RAPH1: variants seen among roughly 807,000 people sequenced by gnomAD.
RAPH1 encodes the protein ras-associated and pleckstrin homology domains-containing protein 1.
Under a neutral mutation model 88.1 loss-of-function variants are expected in RAPH1, and 18 were observed. The ratio of observed to expected loss-of-function variants is 0.20; its 90% CI spans 0.14 to 0.30. The LOEUF is 0.30. Among genes scored for constraint, RAPH1 ranks in the 10% least tolerant of loss-of-function variants. The pLI is 1.00. For synonymous variants in RAPH1, 587 were observed against 559.0 expected, an observed-to-expected ratio of 1.05 and a Z score of -0.71; for missense variants, 1,448 against 1,543.2, an observed-to-expected ratio of 0.94 and a Z score of 1.03.
At chr2:203,480,768 G>A (rs983198403) in intron 4 of RAPH1, among the ~76,000 whole-genome samples, 2 of 152,112 alleles carry the variant, frequency 1.3e-5, no homozygotes, top group African/African-American at 4.8e-5. Flanking sequence ...ACTGACACAC[G>A]TATGCATTTT....
At position 203,438,525 on chromosome 2, in the gene RAPH1, G is replaced by A. The variant is rs1429632071; in HGVS notation, c.*912C>T. On this transcript the variant is annotated 3_prime_UTR_variant, in exon 14 of 14. Transcript: ENST00000319170. ...AGACATACTGGGACAGAACATTACA[G>A]AGATAACTGTGTTATCCATCCTCTT... is the stretch of plus-strand genomic sequence containing the variant. 5.0e-6 allele frequency: 1 copy of A among 198,496 alleles called. No individual in the cohort carries two copies. Among genetic ancestry groups the A allele is most frequent in the Non-Finnish European group, 1.0e-5 (1 of 97,348 alleles). The allele number at this position is 198,496 out of a possible 1,614,324, so 12.3% of individuals were successfully genotyped here. A position where few individuals can be genotyped will look rare whatever the true frequency, so the allele number is the denominator to read the frequency against.
At chr2:203,522,353 C>T (rs1689915461) in intron 1 of RAPH1, among the ~76,000 whole-genome samples, 1 of 152,134 alleles carries the variant, frequency 6.6e-6, no homozygotes, top group African/African-American at 2.4e-5. Context: ...AATAGGACAG[C>T]ATGCAGTGTT....
chr2:203,452,506 T>A (rs1470636350), intron 10 of RAPH1, among the ~76,000 whole-genome samples: 5 of 152,212 alleles, frequency 3.3e-5, no homozygotes, highest in Non-Finnish European at 7.4e-5. Flanking sequence ...TTATTCTTTG[T>A]CCAATCCAGT....
Position 203,441,247 on chromosome 2 carries a change from G to A in RAPH1, c.1943C>T (p.Pro648Leu). The change falls in exon 14 of 14, where the codon CCA becomes CTA. Residue 648 changes from proline (P) to leucine (L), a missense_variant. This residue lies in a region of RAPH1 where 935 missense variants were observed against 890.1 expected (regional missense o/e 1.05). Transcript: ENST00000319170. ...AGAAGGTGCAGACTGGCTGGGGAGT[G>A]GGGGAGGAGGGGGTGGTGGAGGGGG... ...PPPPPPPPPP[P>L]LPSQSAPSAG... 2 of 1,405,910 alleles carry A rather than the reference G, an allele frequency of 1.4e-6. No homozygotes were observed. Among genetic ancestry groups the A allele is most frequent in the Non-Finnish European group, 2.0e-6 (2 of 1,021,834 alleles). 87.1% of individuals were successfully genotyped at this position (1,405,910 alleles called of 1,614,324 possible).
chr2:203,459,873 C>T (rs1362301578), intron 7 of RAPH1, 34 bp downstream of exon 7: 6 of 1,596,082 alleles, frequency 3.8e-6, no homozygotes, highest in Non-Finnish European at 5.1e-6. Flanking sequence ...GACATATTTA[C>T]AAATCCTGAC....
At chr2:203,486,466 A>G (rs1687977722) in intron 4 of RAPH1, among the ~76,000 whole-genome samples, 1 of 152,300 alleles carries the variant, frequency 6.6e-6, no homozygotes, top group African/African-American at 2.4e-5. Context: ...CTTCTGGAGT[A>G]GAGTGAGAAG....
chr2:203,448,110 A>G lies in RAPH1; in HGVS notation c.1513-31T>C. The G allele has an allele frequency of 6.2e-7, 1 of 1,609,408 alleles. No individual in the cohort carries two copies. Among genetic ancestry groups the G allele is most frequent in the Non-Finnish European group, 8.5e-7 (1 of 1,176,730 alleles). ...GAGAAGACAGGAAATGGTGACATCTAAACTTTACTGAGTATGATACAGAAG... is the reference window on the plus strand; with the variant it reads ...GAGAAGACAGGAAATGGTGACATCTGAACTTTACTGAGTATGATACAGAAG... On this transcript the variant is annotated intron_variant, in intron 11 of 13. Transcript: ENST00000319170. The surrounding 1 kb of genome is among the most constrained non-coding windows in gnomAD (Gnocchi z 4.1).
intron 7 of RAPH1, among the ~76,000 whole-genome samples, chr2:203,459,062 G>C (rs1302686120): frequency 6.6e-6 from 1 of 151,716 alleles, no homozygotes; most frequent in African/African-American, 2.4e-5. Context: ...GTAGAGACGG[G>C]GTTTCACCGT....
intron 1 of RAPH1, among the ~76,000 whole-genome samples, chr2:203,523,875 G>A (rs950318113): frequency 1.3e-5 from 2 of 152,198 alleles, no homozygotes; most frequent in East Asian, 3.9e-4. Context: ...GTGGTGGCAT[G>A]CGCCTGTAGT....
chr2:203,442,271 G>A lies in RAPH1; in HGVS notation c.1777-858C>T. 3 of 480,014 alleles carry A rather than the reference G, an allele frequency of 6.2e-6. 1 individual carries two copies. In the South Asian group the frequency reaches 1.2e-4, roughly 20 times the overall value. The allele number at this position is 480,014 out of a possible 1,614,324, so 29.7% of individuals were successfully genotyped here. ...GTAGCTGAAATGATCACATCTGGTA[G>A]TTTATTTCGTGGAGCTAATCATGCA... On this transcript the variant is annotated intron_variant, in intron 13 of 13. Coordinates refer to ENST00000319170, the MANE Select transcript of RAPH1 (RefSeq NM_213589.3).
chr2:203,510,761 G>C (rs974458593), intron 1 of RAPH1, among the ~76,000 whole-genome samples: 5 of 152,220 alleles, frequency 3.3e-5, no homozygotes, highest in African/African-American at 1.2e-4. Context: ...AAGGTTGCAT[G>C]ACCTTGTGAA....
At chr2:203,480,405 G>A (rs566028808) in intron 4 of RAPH1, among the ~76,000 whole-genome samples, 213 of 152,160 alleles carry the variant, frequency 1.4e-3, no homozygotes, top group African/African-American at 4.8e-3. Flanking sequence ...AAGACAGGCC[G>A]GGTGTGGTGG....
At chr2:203,512,725 C>T (rs138304596) in intron 1 of RAPH1, among the ~76,000 whole-genome samples, 3 of 149,888 alleles carry the variant, frequency 2.0e-5, no homozygotes, top group East Asian at 2.0e-4. Context: ...CAGGTTCAAG[C>T]GATTCTCCTT....
chr2:203,439,896 A>T lies in RAPH1; in HGVS notation c.3294T>A (p.Ser1098=), dbSNP rs2098501712. The T allele has an allele frequency of 4.3e-6, 7 of 1,613,654 alleles. No individual in the cohort carries two copies. Among genetic ancestry groups the T allele is most frequent in the Non-Finnish European group, 5.9e-6 (7 of 1,179,982 alleles). ...GAGGATTAACGACTGCCACTTTTGG[A>T]GAGGTGTTTCCCGAGAAAACTGCTG... ...EIPAVFSGNT[S]PKVAVVNPQP... Residue 1098 remains serine (S), a synonymous_variant, in exon 14 of 14, where the codon TCT becomes TCA. Coordinates refer to ENST00000319170, the MANE Select transcript of RAPH1 (RefSeq NM_213589.3).
chr2:203,441,800 G>A lies in RAPH1; in HGVS notation c.1777-387C>T, dbSNP rs1037108430. ...CCTCTGAGCACTGGACTTCCAAGGGGAGATGTGATGGCTCCAGTTTACCTT... is the reference window on the plus strand; with the variant it reads ...CCTCTGAGCACTGGACTTCCAAGGGAAGATGTGATGGCTCCAGTTTACCTT... On this transcript the variant is annotated intron_variant, in intron 13 of 13. Transcript: ENST00000319170. The A allele has an allele frequency of 3.1e-6, 4 of 1,286,786 alleles. No individual in the cohort carries two copies. In the South Asian group the frequency reaches 7.9e-5, roughly 25 times the overall value. 79.7% of individuals were successfully genotyped at this position (1,286,786 alleles called of 1,614,324 possible).
chr2:203,493,941 A>C (rs562693913), intron 2 of RAPH1, among the ~76,000 whole-genome samples: 2 of 140,932 alleles, frequency 1.4e-5, no homozygotes, highest in Non-Finnish European at 3.0e-5. Flanking sequence ...ACTGCACTCC[A>C]GCCTGGGCGA....
chr2:203,452,837 A>G (rs2098515980), intron 10 of RAPH1, among the ~76,000 whole-genome samples: 1 of 152,044 alleles, frequency 6.6e-6, no homozygotes, highest in Non-Finnish European at 1.5e-5. Context: ...AGTCCCAGCT[A>G]CTCGGGAAGC....
rs879535144 is a variant in RAPH1 at position 203,435,356 on chromosome 2, C to T, written c.*4081G>A. On this transcript the variant is annotated 3_prime_UTR_variant, in exon 14 of 14. Transcript: ENST00000319170. The stretch of plus-strand genomic sequence containing the variant: ...GACCAGCCTGGGCAACACAGTGAGA[C>T]CCCCATCTCTACCAAAAAAAAAAAA... 2.3e-5 allele frequency: 3 copies of T among 129,792 alleles called. No individual in the cohort carries two copies. The highest frequency in any genetic ancestry group is 4.9e-5 in the Non-Finnish European group (3 of 61,834). The allele number at this position is 129,792 out of a possible 1,614,324, so 8.0% of individuals were successfully genotyped here.
intron 10 of RAPH1, among the ~76,000 whole-genome samples, chr2:203,453,688 GA>G (rs1266746050): frequency 6.7e-6 from 1 of 149,858 alleles, no homozygotes; most frequent in Non-Finnish European, 1.5e-5. Context: ...AATTCTCAGA[GA>G]AAAGTGAAAT....
Sources: gnomAD v4.1 joint callset for allele counts (sites outside exome capture counted in the v4.1 genomes callset) on GRCh38, gnomAD v4.1.1 for gene constraint, gnomAD v4.1.1 regional missense constraint, Gnocchi (gnomAD v3.1) non-coding constraint, MANE v1.5 for transcripts, NCBI Gene and HGNC (gene_info 2026-07-23, HGNC 2026-07-21) for gene names.